TBCK: variants seen among roughly 807,000 people sequenced by gnomAD.
The protein encoded by TBCK is TBC domain-containing protein kinase-like protein.
Under a neutral mutation model 113.4 loss-of-function variants are expected in TBCK, and 99 were observed. That is an observed-to-expected ratio of 0.87 (90% CI 0.74 to 1.03). TBCK has a LOEUF of 1.03. Ranked by LOEUF, TBCK falls within the 50% of genes least tolerant of loss-of-function variation. TBCK has a pLI of 0.00. For synonymous variants in TBCK, 369 were observed against 370.8 expected (o/e 1.00, Z 0.05); for missense variants, 1,045 against 1,061.3 (o/e 0.98, Z 0.21).
chr4:106,219,721 T>C (rs940183711), intron 19 of TBCK, among the ~76,000 whole-genome samples: 1 of 152,018 alleles, frequency 6.6e-6, no homozygotes, highest in Non-Finnish European at 1.5e-5. Context: ...TTTTTTTAAA[T>C]ATAGACTGGG....
intron 23 of TBCK, among the ~76,000 whole-genome samples, chr4:106,152,066 C>T (rs186417443): frequency 6.1e-4 from 92 of 151,798 alleles, no homozygotes; most frequent in Admixed American, 1.9e-3. Context: ...AATCTAGATG[C>T]CCTTTATTTT....
At chr4:106,195,568 TG>T (rs1754136585) in intron 20 of TBCK, among the ~76,000 whole-genome samples, 1 of 151,672 alleles carries the variant, frequency 6.6e-6, no homozygotes, top group Non-Finnish European at 1.5e-5. Flanking sequence ...CTCAGTAAAC[TG>T]TCCTCTCCAG....
chr4:106,174,809 T>C (rs1322491652), intron 22 of TBCK, among the ~76,000 whole-genome samples: 1 of 152,110 alleles, frequency 6.6e-6, no homozygotes, highest in African/African-American at 2.4e-5. Flanking sequence ...ATCACAAACA[T>C]CATTGCATTT....
At chr4:106,263,505 G>T (rs941718100) in intron 3 of TBCK, among the ~76,000 whole-genome samples, 3 of 151,806 alleles carry the variant, frequency 2.0e-5, no homozygotes, top group Admixed American at 1.3e-4. Context: ...GGGCTTGGGT[G>T]GGGGGTAGGT....
At chr4:106,048,359 T>A (rs1258142937) in intron 25 of TBCK, among the ~76,000 whole-genome samples, 5 of 152,108 alleles carry the variant, frequency 3.3e-5, no homozygotes, top group Non-Finnish European at 1.5e-5. Context: ...TTCAAACGGC[T>A]GTTCATATTT....
intron 18 of TBCK, among the ~76,000 whole-genome samples, chr4:106,231,273 T>C (rs1758830298): frequency 6.6e-6 from 1 of 151,600 alleles, no homozygotes; most frequent in South Asian, 2.1e-4. Context: ...ATTACAACAT[T>C]AGTATATAAG....
chr4:106,162,340 G>A (rs72968432), intron 23 of TBCK, among the ~76,000 whole-genome samples: 1 of 152,136 alleles, frequency 6.6e-6, no homozygotes, highest in African/African-American at 2.4e-5. Flanking sequence ...TGCTTTCATA[G>A]GATGGTGTTG....
At position 106,044,829 on chromosome 4, in the gene TBCK, ATAAAG is replaced by A. The variant is rs1266331453; in HGVS notation, c.*1736_*1740del. ...AAAGTAGATGCAAAGAAAAAATAAA[ATAAAG>A]TAAACAATAGCAGCAACAACAAAAC... is the stretch of plus-strand genomic sequence containing the variant. On this transcript the variant is annotated 3_prime_UTR_variant, in exon 26 of 26. Coordinates refer to ENST00000394708, the MANE Select transcript of TBCK (RefSeq NM_001163435.3). 1.1e-4 allele frequency: 16 copies of A among 152,362 alleles called. No individual in the cohort carries two copies. Among genetic ancestry groups the A allele is most frequent in the African/African-American group, 3.1e-4 (13 of 41,598 alleles). The allele number at this position is 152,362 out of a possible 1,614,324, so 9.4% of individuals were successfully genotyped here.
intron 21 of TBCK, 88 bp downstream of exon 21, chr4:106,194,630 A>T: frequency 9.8e-7 from 1 of 1,021,280 alleles, no homozygotes; most frequent in Non-Finnish European, 1.5e-6. Context: ...AATCTGCTCA[A>T]TGTTATTGTA....
chr4:106,215,246 A>G (rs1463650298), intron 19 of TBCK, among the ~76,000 whole-genome samples: 1 of 152,196 alleles, frequency 6.6e-6, no homozygotes, highest in Non-Finnish European at 1.5e-5. Context: ...AACCGGTACC[A>G]GCCGCTGCAA....
chr4:106,277,301 C>T (rs1422638698), intron 3 of TBCK, among the ~76,000 whole-genome samples: 2 of 152,048 alleles, frequency 1.3e-5, no homozygotes, highest in Non-Finnish European at 2.9e-5. Flanking sequence ...ATTAGTCATA[C>T]ACATGATTAA....
intron 25 of TBCK, among the ~76,000 whole-genome samples, chr4:106,072,576 G>T (rs1737604839): frequency 6.6e-6 from 1 of 152,066 alleles, no homozygotes; most frequent in Non-Finnish European, 1.5e-5. Context: ...TATGTGTGTT[G>T]GGGTTGCTCT....
chr4:106,277,963 A>G (rs1389572994), intron 3 of TBCK, among the ~76,000 whole-genome samples: 1 of 152,188 alleles, frequency 6.6e-6, no homozygotes, highest in Non-Finnish European at 1.5e-5. Flanking sequence ...AATACATCAA[A>G]ATAATAAAGA....
chr4:106,315,025 TCA>T lies in TBCK; in HGVS notation c.-30+904_-30+905del, dbSNP rs1768632132. The stretch of plus-strand genomic sequence containing the variant: ...AAAGATAAAACACTAATTAGCATAA[TCA>T]GTGTTCTTTTTCCACTACCTCTTAA... On this transcript the variant is annotated intron_variant, in intron 1 of 25. Coordinates refer to ENST00000394708, the MANE Select transcript of TBCK (RefSeq NM_001163435.3). Among the ~76,000 whole-genome samples the T allele has an allele frequency of 2.0e-5, 3 of 152,274 alleles. No individual in the cohort carries two copies. The South Asian group carries it at 6.2e-4, about 32-fold the overall frequency.
chr4:106,111,848 T>C (rs916389651), intron 24 of TBCK, among the ~76,000 whole-genome samples: 1 of 152,158 alleles, frequency 6.6e-6, no homozygotes, highest in Admixed American at 6.5e-5. Flanking sequence ...CAGAAATTAC[T>C]AGGTAATATT....
chr4:106,302,826 T>C (rs1767088393), intron 2 of TBCK, among the ~76,000 whole-genome samples: 1 of 152,214 alleles, frequency 6.6e-6, no homozygotes, highest in Non-Finnish European at 1.5e-5. Flanking sequence ...TATTAATTGC[T>C]TGGTGATGTA....
At chr4:106,295,797 A>G (rs1465641798) in intron 2 of TBCK, among the ~76,000 whole-genome samples, 1 of 152,180 alleles carries the variant, frequency 6.6e-6, no homozygotes, top group Non-Finnish European at 1.5e-5. Flanking sequence ...TTGACAACAC[A>G]TAAACAGAAC....
chr4:106,194,630 A>G (rs951012483), intron 21 of TBCK, 88 bp downstream of exon 21: 163 of 1,021,158 alleles, frequency 1.6e-4, no homozygotes, highest in Non-Finnish European at 2.1e-4. Context: ...AATCTGCTCA[A>G]TGTTATTGTA....
intron 23 of TBCK, among the ~76,000 whole-genome samples, chr4:106,125,985 G>A (rs1745162809): frequency 6.6e-6 from 1 of 152,142 alleles, no homozygotes; most frequent in African/African-American, 2.4e-5. Context: ...CAAGATATGT[G>A]CTCTATAAAT....
Sources: allele counts gnomAD v4.1 joint callset (sites outside exome capture counted in the v4.1 genomes callset), GRCh38; gene constraint gnomAD v4.1.1; transcripts MANE v1.5; gene names NCBI Gene and HGNC (gene_info 2026-07-23, HGNC 2026-07-21).